The following FOXP1 variants were observed in gnomAD, a reference collection of about 807,000 sequenced individuals.
FOXP1 encodes the protein forkhead box protein P1.
Under a neutral mutation model 98.2 loss-of-function variants are expected in FOXP1, and 15 were observed. That is an observed-to-expected ratio of 0.15 (90% CI 0.10 to 0.24). FOXP1 has a LOEUF of 0.24. Ranked by LOEUF, FOXP1 falls within the 10% of genes least tolerant of loss-of-function variation. The pLI is 1.00. For missense variants in FOXP1, 633 were observed against 848.5 expected, an observed-to-expected ratio of 0.75 and a Z score of 3.15; for synonymous variants, 371 against 314.5, an observed-to-expected ratio of 1.18 and a Z score of -1.90.
intron 13 of FOXP1, among the ~76,000 whole-genome samples, chr3:70,993,389 A>G (rs1324344294): frequency 1.3e-5 from 2 of 152,178 alleles, no homozygotes; most frequent in African/African-American, 2.4e-5. Flanking sequence ...CTGGGCCACA[A>G]TGATCCTCTG....
intron 7 of FOXP1, among the ~76,000 whole-genome samples, chr3:71,107,774 A>C (rs927371710): frequency 2.0e-5 from 3 of 152,244 alleles, no homozygotes; most frequent in African/African-American, 7.2e-5. Flanking sequence ...TCTTTAGTGA[A>C]TAACGTGGAA....
chr3:71,430,575 A>AT (rs1169041624), intron 3 of FOXP1, among the ~76,000 whole-genome samples: 1 of 151,876 alleles, frequency 6.6e-6, no homozygotes, highest in Non-Finnish European at 1.5e-5. Flanking sequence ...ATTCTTTACC[A>AT]TTTATTCTAG....
chr3:71,392,865 G>A (rs1331012815), intron 3 of FOXP1, among the ~76,000 whole-genome samples: 1 of 152,056 alleles, frequency 6.6e-6, no homozygotes, highest in Non-Finnish European at 1.5e-5. Context: ...TTTACCGTTT[G>A]GAAGGGATTA....
At position 71,010,839 on chromosome 3, in the gene FOXP1, C is replaced by A. The variant is rs1217072228; in HGVS notation, c.974+4710G>T. Reference sequence around the variant, plus strand: ...CTGATGACAATAACCCCCCCTCCCCCCCCACCCAGTGAGATCATTCAAAGA... The same window carrying A: ...CTGATGACAATAACCCCCCCTCCCCACCCACCCAGTGAGATCATTCAAAGA... On this transcript the variant is annotated intron_variant, in intron 12 of 20. Transcript: ENST00000649528. 8.1e-5 allele frequency among the ~76,000 whole-genome samples: 12 copies of A among 148,546 alleles called. No individual in the cohort carries two copies. In the East Asian group the frequency reaches 8.1e-4, roughly 10 times the overall value.
At chr3:71,441,470 G>C (rs2085934338) in intron 3 of FOXP1, among the ~76,000 whole-genome samples, 1 of 152,216 alleles carries the variant, frequency 6.6e-6, no homozygotes, top group Non-Finnish European at 1.5e-5. Context: ...TGTTTGTTTT[G>C]CTCTTCCTTT....
At chr3:71,137,425 G>A (rs1220131452) in intron 6 of FOXP1, among the ~76,000 whole-genome samples, 3 of 152,088 alleles carry the variant, frequency 2.0e-5, no homozygotes, top group African/African-American at 4.8e-5. Context: ...TCTCTGCTGC[G>A]GGAAGCTTAA....
intron 12 of FOXP1, among the ~76,000 whole-genome samples, chr3:71,001,306 T>C (rs1168488388): frequency 6.6e-6 from 1 of 152,164 alleles, no homozygotes; most frequent in Non-Finnish European, 1.5e-5. Flanking sequence ...GAGATAACCA[T>C]TTACACATAA....
At chr3:71,464,496 C>T (rs1354291855) in intron 3 of FOXP1, among the ~76,000 whole-genome samples, 1 of 152,216 alleles carries the variant, frequency 6.6e-6, no homozygotes, top group Non-Finnish European at 1.5e-5. Flanking sequence ...CAAGTTACTA[C>T]TGTTCCATGC....
intron 4 of FOXP1, among the ~76,000 whole-genome samples, chr3:71,317,186 T>G (rs534727064): frequency 6.6e-6 from 1 of 152,144 alleles, no homozygotes; most frequent in African/African-American, 2.4e-5. Context: ...CACCAGAGAG[T>G]TGAAGCATTA....
chr3:71,377,347 T>C (rs2079796777), intron 3 of FOXP1, among the ~76,000 whole-genome samples: 2 of 152,224 alleles, frequency 1.3e-5, no homozygotes, highest in South Asian at 4.1e-4. Flanking sequence ...TTGGAAATAT[T>C]TTTTATTTAA....
chr3:71,240,047 A>G (rs2067119223), intron 5 of FOXP1, among the ~76,000 whole-genome samples: 1 of 152,250 alleles, frequency 6.6e-6, no homozygotes, highest in Non-Finnish European at 1.5e-5. Context: ...AAGGAAGTAC[A>G]AGACTTTCAC....
chr3:71,524,708 C>T (rs762538364), intron 2 of FOXP1, among the ~76,000 whole-genome samples: 14 of 152,110 alleles, frequency 9.2e-5, no homozygotes, highest in Non-Finnish European at 1.8e-4. Context: ...GTTCATGTTC[C>T]GCTACAAAGC....
chr3:71,176,743 C>CAAAA (rs573639526), intron 6 of FOXP1, among the ~76,000 whole-genome samples: 13 of 75,546 alleles, frequency 1.7e-4, no homozygotes, highest in African/African-American at 6.8e-4. Context: ...GAGGCTATCT[C>CAAAA]AAAAAAAAAA....
chr3:71,299,611 T>C lies in FOXP1; in HGVS notation c.-12+209A>G, dbSNP rs142545511. Among the ~76,000 whole-genome samples, 55 of 152,284 alleles carry C rather than the reference T, an allele frequency of 3.6e-4. 1 individual carries two copies. The South Asian group carries it at 4.8e-3, about 13-fold the overall frequency. On this transcript the variant is annotated intron_variant, in intron 5 of 20. Coordinates refer to ENST00000649528, the MANE Select transcript of FOXP1 (RefSeq NM_001349338.3). ...CAACAAACAGAGAAGAGTTTGATAATATTTGGGGGGGAAATGTGAACCTGT... is the reference window on the plus strand; with the variant it reads ...CAACAAACAGAGAAGAGTTTGATAACATTTGGGGGGGAAATGTGAACCTGT...
At chr3:71,454,465 A>T (rs1367361250) in intron 3 of FOXP1, among the ~76,000 whole-genome samples, 1 of 152,126 alleles carries the variant, frequency 6.6e-6, no homozygotes, top group Non-Finnish European at 1.5e-5. Flanking sequence ...GAGTCGCTTT[A>T]TAATTTTTAT....
At chr3:71,493,348 C>A (rs1176007398) in intron 3 of FOXP1, 78 bp downstream of exon 3, 1 of 152,146 alleles carries the variant, frequency 6.6e-6, no homozygotes, top group Non-Finnish European at 1.5e-5. Context: ...ATCTCTCATC[C>A]TGGGTGGGCA....
chr3:71,438,429 G>A (rs2085578411), intron 3 of FOXP1, among the ~76,000 whole-genome samples: 1 of 152,108 alleles, frequency 6.6e-6, no homozygotes, highest in African/African-American at 2.4e-5. Context: ...TGTGGCATGA[G>A]TTCCTGTGCA....
At chr3:71,105,648 A>G (rs1398193293) in intron 7 of FOXP1, among the ~76,000 whole-genome samples, 1 of 152,124 alleles carries the variant, frequency 6.6e-6, no homozygotes, top group Non-Finnish European at 1.5e-5. Context: ...ATTATAATAA[A>G]CTAGTCCATG....
intron 6 of FOXP1, among the ~76,000 whole-genome samples, chr3:71,193,889 C>T (rs1039107480): frequency 1.3e-5 from 2 of 152,212 alleles, no homozygotes; most frequent in Non-Finnish European, 2.9e-5. Flanking sequence ...GATGGGTCCT[C>T]TTTACTCCCC....
Sources: allele counts gnomAD v4.1 joint callset (sites outside exome capture counted in the v4.1 genomes callset), GRCh38; gene constraint gnomAD v4.1.1; transcripts MANE v1.5; gene names NCBI Gene and HGNC (gene_info 2026-07-23, HGNC 2026-07-21).